The following SDK1 variants were observed in gnomAD, a reference collection of about 807,000 sequenced individuals.
The protein encoded by SDK1 is sidekick cell adhesion molecule 1, also known as protein sidekick-1.
Under a neutral mutation model 245.5 loss-of-function variants are expected in SDK1, and 157 were observed. The ratio of observed to expected loss-of-function variants is 0.64; its 90% CI spans 0.56 to 0.73. The LOEUF is 0.73. SDK1 is among the 30% of genes least tolerant of loss of function. The pLI, the probability that SDK1 is intolerant of heterozygous loss-of-function variation, is 0.00. For synonymous variants in SDK1, 1,647 were observed against 1,278.5 expected, an observed-to-expected ratio of 1.29 and a Z score of -6.15; for missense variants, 3,583 against 3,002.3, an observed-to-expected ratio of 1.19 and a Z score of -4.52.
intron 4 of SDK1, among the ~76,000 whole-genome samples, chr7:3,768,470 CTT>C (rs1450861829): frequency 1.3e-5 from 2 of 152,140 alleles, no homozygotes; most frequent in East Asian, 3.9e-4. Flanking sequence ...ATAGACAAGT[CTT>C]TATTATTAAG....
intron 20 of SDK1, among the ~76,000 whole-genome samples, chr7:4,073,193 C>T (rs1163490950): frequency 6.6e-6 from 1 of 152,168 alleles, no homozygotes; most frequent in Non-Finnish European, 1.5e-5. Context: ...GAGCTGGAAG[C>T]AGAGGATGCA....
At chr7:3,339,813 A>G (rs913457669) in intron 1 of SDK1, among the ~76,000 whole-genome samples, 14 of 152,160 alleles carry the variant, frequency 9.2e-5, no homozygotes, top group African/African-American at 2.9e-4. Context: ...TCCTACCTCA[A>G]GAAACTAGAA....
At chr7:3,997,365 C>T (rs991060389) in intron 14 of SDK1, among the ~76,000 whole-genome samples, 17 of 152,132 alleles carry the variant, frequency 1.1e-4, no homozygotes, top group South Asian at 4.2e-4. Context: ...GTCGTCCCAT[C>T]GTCTCTGCAG....
chr7:3,504,771 C>G (rs1583965721), intron 1 of SDK1, among the ~76,000 whole-genome samples: 3 of 138,926 alleles, frequency 2.2e-5, no homozygotes, highest in African/African-American at 9.0e-5. Context: ...AAAGCACAAA[C>G]AACAGAAGGA....
intron 4 of SDK1, among the ~76,000 whole-genome samples, chr7:3,759,326 C>G (rs1389597614): frequency 6.6e-6 from 1 of 152,000 alleles, no homozygotes; most frequent in African/African-American, 2.4e-5. Context: ...GCTATTGAAT[C>G]ATAGAAACAT....
chr7:3,935,769 C>G (rs1265500079), intron 5 of SDK1, among the ~76,000 whole-genome samples: 1 of 152,226 alleles, frequency 6.6e-6, no homozygotes, highest in Non-Finnish European at 1.5e-5. Context: ...TGTGGAGAAA[C>G]TGGAACGCTT....
intron 4 of SDK1, among the ~76,000 whole-genome samples, chr7:3,684,347 C>T (rs1390222747): frequency 1.3e-5 from 2 of 152,176 alleles, no homozygotes; most frequent in African/African-American, 4.8e-5. Flanking sequence ...AGCCTCCCCT[C>T]CCCCTTCCTG....
Position 4,174,404 on chromosome 7 carries a change from G to A in SDK1, c.4936+47G>A, listed in dbSNP as rs971782797. On this transcript the variant is annotated intron_variant, in intron 33 of 44. Coordinates refer to ENST00000404826, the MANE Select transcript of SDK1 (RefSeq NM_152744.4). ...TGGTACAGGGAGGGAGGTTCCCAGGGGACCCTTGGTATCTGCTCAGTGCAC... is the reference window on the plus strand; with the variant it reads ...TGGTACAGGGAGGGAGGTTCCCAGGAGACCCTTGGTATCTGCTCAGTGCAC... 6 of 1,592,806 alleles carry A rather than the reference G, an allele frequency of 3.8e-6. No homozygotes were observed. In the African/African-American group the frequency reaches 6.7e-5, roughly 18 times the overall value.
intron 1 of SDK1, among the ~76,000 whole-genome samples, chr7:3,475,317 C>G (rs1781319947): frequency 6.6e-6 from 1 of 152,128 alleles, no homozygotes; most frequent in African/African-American, 2.4e-5. Context: ...TGGAGCCCTC[C>G]CCAGCCCTGC....
chr7:3,598,167 T>G (rs530351334), intron 1 of SDK1, among the ~76,000 whole-genome samples: 2 of 152,226 alleles, frequency 1.3e-5, no homozygotes. Context: ...CAGCTTCCCA[T>G]GTGCTCGTGG....
chr7:4,141,763 G>A (rs1779595774), intron 28 of SDK1, among the ~76,000 whole-genome samples: 1 of 151,894 alleles, frequency 6.6e-6, no homozygotes, highest in South Asian at 2.1e-4. Flanking sequence ...GCATGTTTTT[G>A]TTGTTGTTTT....
chr7:4,062,430 C>T (rs946514351), intron 19 of SDK1, among the ~76,000 whole-genome samples: 1 of 152,070 alleles, frequency 6.6e-6, no homozygotes, highest in Non-Finnish European at 1.5e-5. Flanking sequence ...AAAATCTGAA[C>T]AGACTAATAA....
intron 13 of SDK1, among the ~76,000 whole-genome samples, chr7:3,976,006 ACG>A (rs2128134968): frequency 1.8e-4 from 1 of 5,444 alleles, no homozygotes; most frequent in Admixed American, 1.5e-3. Flanking sequence ...TGAGGCTGCC[ACG>A]CAGAGGATCC....
intron 1 of SDK1, among the ~76,000 whole-genome samples, chr7:3,386,722 T>A (rs1399676263): frequency 6.6e-6 from 1 of 152,200 alleles, no homozygotes; most frequent in Non-Finnish European, 1.5e-5. Context: ...GCAGCTGTAC[T>A]GGGCAGCCTC....
chr7:3,334,756 C>G (rs1562421430), intron 1 of SDK1, among the ~76,000 whole-genome samples: 1 of 152,166 alleles, frequency 6.6e-6, no homozygotes, highest in Non-Finnish European at 1.5e-5. Flanking sequence ...TGGACAATCT[C>G]CTTAGTTTAT....
intron 1 of SDK1, among the ~76,000 whole-genome samples, chr7:3,387,877 A>C (rs74584989): frequency 0.011 from 1,678 of 152,330 alleles, 30 homozygotes; most frequent in African/African-American, 0.038. Context: ...CAACCCTGTT[A>C]AGTAGCTAAT....
intron 1 of SDK1, among the ~76,000 whole-genome samples, chr7:3,452,802 G>C (rs1005862839): frequency 3.2e-4 from 48 of 152,134 alleles, no homozygotes; most frequent in African/African-American, 1.2e-3. Flanking sequence ...GTCTTGCAGG[G>C]TGTTGTGATA....
At chr7:3,891,250 G>T (rs147895747) in intron 5 of SDK1, among the ~76,000 whole-genome samples, 1 of 152,058 alleles carries the variant, frequency 6.6e-6, no homozygotes, top group Non-Finnish European at 1.5e-5. Context: ...AGGGGGTGTC[G>T]ATTGGGCCTC....
At chr7:4,059,324 TA>T (rs1338432640) in intron 19 of SDK1, among the ~76,000 whole-genome samples, 1 of 151,878 alleles carries the variant, frequency 6.6e-6, no homozygotes. Flanking sequence ...ATACTTTAAG[TA>T]AAAAACAGTA....
Sources: allele counts gnomAD v4.1 joint callset (sites outside exome capture counted in the v4.1 genomes callset), GRCh38; gene constraint gnomAD v4.1.1; transcripts MANE v1.5; gene names NCBI Gene and HGNC (gene_info 2026-07-23, HGNC 2026-07-21).